The following ADGRE2 variants were observed in gnomAD, a reference collection of about 807,000 sequenced individuals.
ADGRE2 encodes CD97 antigen.
In ADGRE2, 83 loss-of-function variants were observed where a neutral mutation model predicts 100.8. That is an observed-to-expected ratio of 0.82 (90% CI 0.69 to 0.99). ADGRE2 has a LOEUF of 0.99. Among genes scored for constraint, ADGRE2 ranks in the 50% least tolerant of loss-of-function variants. The pLI, the probability that ADGRE2 is intolerant of heterozygous loss-of-function variation, is 0.00. For missense variants in ADGRE2, 814 were observed against 1,035.7 expected, an observed-to-expected ratio of 0.79 and a Z score of 2.94; for synonymous variants, 355 against 413.0, an observed-to-expected ratio of 0.86 and a Z score of 1.70.
In ADGRE2 at chr19:14,772,882, C is replaced by G. The variant is rs1390980626; in HGVS notation, c.200-385G>C. On this transcript the variant is annotated intron_variant, in intron 4 of 20. Coordinates refer to ENST00000315576, the MANE Select transcript of ADGRE2 (RefSeq NM_013447.4). Reference sequence around the variant, plus strand: ...ATCACTTGAGGTCAGGAGTTCGAGACCAGCCTGCCAACAGGGCAAAACCCC... The same window carrying G: ...ATCACTTGAGGTCAGGAGTTCGAGAGCAGCCTGCCAACAGGGCAAAACCCC... Among the ~76,000 whole-genome samples the G allele has an allele frequency of 1.2e-4, 18 of 150,982 alleles. No individual in the cohort carries two copies. The Admixed American group carries it at 1.2e-3, about 10-fold the overall frequency.
chr19:14,730,281 C>CT (rs1286232598), downstream of ADGRE2, among the ~76,000 whole-genome samples: 1 of 152,090 alleles, frequency 6.6e-6, no homozygotes, highest in African/African-American at 2.4e-5. Context: ...TCTTGAACTC[C>CT]TGACCTCAGG....
At chr19:14,777,210 G>T (rs2044476325) in intron 1 of ADGRE2, 2 of 460,104 alleles carry the variant, frequency 4.3e-6, no homozygotes, top group Non-Finnish European at 5.7e-6. Flanking sequence ...GCACGCAGGG[G>T]CCTTGTCAGA....
chr19:14,765,936 G>A (rs576721616), intron 7 of ADGRE2, 132 bp from the exon 8 acceptor site: 21 of 1,425,164 alleles, frequency 1.5e-5, no homozygotes, highest in South Asian at 7.3e-5. Flanking sequence ...TTATGGAAGC[G>A]TGGAGAGGCC....
At chr19:14,726,271 G>A in the ADGRE2 span, among the ~76,000 whole-genome samples, 2 of 152,144 alleles carry the variant, frequency 1.3e-5, no homozygotes, top group African/African-American at 2.4e-5. Flanking sequence ...GAACTGGCCC[G>A]CTAAATCATT....
intron 5 of ADGRE2, among the ~76,000 whole-genome samples, chr19:14,770,980 C>A (rs770513979): frequency 6.6e-6 from 1 of 151,932 alleles, no homozygotes; most frequent in Non-Finnish European, 1.5e-5. Flanking sequence ...GTGCCTGGCC[C>A]GGAGAGTCCT....
rs201584330 is a variant in ADGRE2, at chr19:14,776,832, G to A, written c.-76C>T. On this transcript the variant is annotated 5_prime_UTR_variant, in exon 2 of 21. Transcript: ENST00000315576. Reference sequence around the variant, plus strand: ...CAGGGCTGTCCCGTCTCCGCAGGCTGGGCAGCTGTGCGGGCTGTCCCGAGG... The same window carrying A: ...CAGGGCTGTCCCGTCTCCGCAGGCTAGGCAGCTGTGCGGGCTGTCCCGAGG... 6.3e-4 allele frequency: 1,012 copies of A among 1,598,674 alleles called. 1 individual carries two copies. The highest frequency in any genetic ancestry group is 2.3e-3 in the Admixed American group (133 of 57,864).
At position 14,732,695 on chromosome 19, in the gene ADGRE2, A is replaced by G. The variant is rs542756189; in HGVS notation, c.*3541T>C. On this transcript the variant is annotated 3_prime_UTR_variant, in exon 21 of 21. Transcript: ENST00000315576. ...TTTGTGTCACATGACTGATATATGAAGTTCAAGCTCAGTGTCCATAAAGTT... is the reference window on the plus strand; with the variant it reads ...TTTGTGTCACATGACTGATATATGAGGTTCAAGCTCAGTGTCCATAAAGTT... 14 of 152,374 alleles carry G rather than the reference A, an allele frequency of 9.2e-5. No homozygotes were observed. The highest frequency in any genetic ancestry group is 2.6e-4 in the Admixed American group (4 of 15,302). 9.4% of individuals were successfully genotyped at this position (152,374 alleles called of 1,614,324 possible).
rs2044113689 is a variant in ADGRE2, at chr19:14,769,438, G to A, written c.356-2329C>T. ...GTGGCCCCAGGTCTCCTGCCTATGA[G>A]GCCTGTGACACCAGGTAGACAAAAA... On this transcript the variant is annotated intron_variant, in intron 5 of 20. Coordinates refer to ENST00000315576, the MANE Select transcript of ADGRE2 (RefSeq NM_013447.4). 2.6e-5 allele frequency among the ~76,000 whole-genome samples: 4 copies of A among 152,062 alleles called. No homozygotes were observed. The South Asian group carries it at 6.2e-4, about 24-fold the overall frequency.
chr19:14,748,955 TC>T (rs1952555623), intron 16 of ADGRE2, among the ~76,000 whole-genome samples: 1 of 152,076 alleles, frequency 6.6e-6, no homozygotes. Flanking sequence ...GTGGTAATTA[TC>T]CCAGGAATGT....
In ADGRE2 at chr19:14,775,860, G is replaced by GAAA. The variant is rs3057586; in HGVS notation, c.31+863_31+865dup. Reference sequence around the variant, plus strand: ...GGCGACAGAGCAAGGCTCCGCCTCAGAAAAAAAAAAAAAAAAATGATGGCG... The same window carrying GAAA: ...GGCGACAGAGCAAGGCTCCGCCTCAGAAAAAAAAAAAAAAAAAAAATGATGGCG... On this transcript the variant is annotated intron_variant, in intron 2 of 20. Coordinates refer to ENST00000315576, the MANE Select transcript of ADGRE2 (RefSeq NM_013447.4). 6.9e-4 allele frequency among the ~76,000 whole-genome samples: 74 copies of GAAA among 107,890 alleles called. 5 individuals carry two copies. Among genetic ancestry groups the GAAA allele is most frequent in the African/African-American group, 2.3e-3 (64 of 27,734 alleles). The allele number at this position is 107,890 out of a possible 152,430, so 70.8% of individuals were successfully genotyped here.
In ADGRE2 at chr19:14,773,952, A is replaced by C. The variant is rs746075135; in HGVS notation, c.185T>G (p.Met62Arg). The C allele has an allele frequency of 6.2e-7, 1 of 1,613,828 alleles. No homozygotes were observed. Among genetic ancestry groups the C allele is most frequent in the South Asian group, 1.1e-5 (1 of 91,070 alleles). ...SSFSEIITTP[M>R]ETCDDINECA... ...AGCCTCTGTACCGTCACAAGTCTCC[A>C]TGGGGGTGGTGATGATCTCAGAAAA... The change falls in exon 4 of 21, where the codon ATG becomes AGG. Residue 62 changes from methionine (M) to arginine (R), a missense_variant. Around this residue, in one of 5 missense-constraint regions of ADGRE2, gnomAD observed 143 missense variants for 160.3 expected, o/e 0.89. Coordinates refer to ENST00000315576, the MANE Select transcript of ADGRE2 (RefSeq NM_013447.4).
intron 16 of ADGRE2, among the ~76,000 whole-genome samples, chr19:14,749,520 T>C: frequency 7.4e-6 from 1 of 134,268 alleles, no homozygotes; most frequent in African/African-American, 2.9e-5. Flanking sequence ...TATAGTTATG[T>C]AATATAATTA....
intron 5 of ADGRE2, among the ~76,000 whole-genome samples, chr19:14,771,182 C>T (rs1272742268): frequency 6.6e-6 from 1 of 152,138 alleles, no homozygotes. Flanking sequence ...GCAGGGAGAA[C>T]AGGAGGGACA....
intron 17 of ADGRE2, 50 bp from the exon 18 acceptor site, chr19:14,746,373 C>CACT: frequency 3.2e-6 from 3 of 940,986 alleles, no homozygotes; most frequent in African/African-American, 2.5e-5. Flanking sequence ...AACCTGTTAT[C>CACT]TCTTTTTTTT....
At position 14,765,563 on chromosome 19, in the gene ADGRE2, A is replaced by G; in HGVS notation, c.789T>C (p.Thr263=). The stretch of plus-strand genomic sequence containing the variant: ...CAGGGGGCGGGGTCCAGGTGGAGAA[A>G]GTCATATCTGTAGGGAACAAGACAA... ...NQKDTVCEDM[T]FSTWTPPPGV... is the part of the protein sequence containing the mutation. Residue 263 remains threonine, a synonymous_variant, in exon 9 of 21, where the codon ACT becomes ACC. Transcript: ENST00000315576. 2 of 1,614,300 alleles carry G rather than the reference A, an allele frequency of 1.2e-6. No individual in the cohort carries two copies. The highest frequency in any genetic ancestry group is 1.7e-6 in the Non-Finnish European group (2 of 1,180,056).
intron 5 of ADGRE2, among the ~76,000 whole-genome samples, chr19:14,768,584 G>A (rs2044077536): frequency 6.6e-6 from 1 of 152,208 alleles, no homozygotes; most frequent in South Asian, 2.1e-4. Flanking sequence ...GAGAGGATCA[G>A]GCTTGGAGCA....
chr19:14,746,219 T>G lies in ADGRE2; in HGVS notation c.2183+13A>C. The G allele has an allele frequency of 3.3e-6, 5 of 1,508,362 alleles. No homozygotes were observed. Among genetic ancestry groups the G allele is most frequent in the Non-Finnish European group, 3.7e-6 (4 of 1,086,612 alleles). 93.4% of individuals were successfully genotyped at this position (1,508,362 alleles called of 1,614,324 possible). On this transcript the variant is annotated intron_variant, in intron 18 of 20. Coordinates refer to ENST00000315576, the MANE Select transcript of ADGRE2 (RefSeq NM_013447.4). ...ACATGTCTGTGTGGTTATCACCCCC[T>G]TCTCCATCTTACCTTGTGTTCCGGA...
intron 16 of ADGRE2, among the ~76,000 whole-genome samples, chr19:14,749,276 T>A (rs1010436653): frequency 2.8e-5 from 4 of 144,690 alleles, no homozygotes; most frequent in African/African-American, 2.5e-5. Flanking sequence ...AGGAAGCATA[T>A]AATTATGCTT....
At chr19:14,754,879 TAAAAGGC>T in intron 14 of ADGRE2, 68 bp downstream of exon 14, 4 of 1,534,484 alleles carry the variant, frequency 2.6e-6, no homozygotes, top group Admixed American at 1.8e-5. Context: ...TATATTTTTT[TAAAAGGC>T]TGCTACGTCT....
Sources: allele counts gnomAD v4.1 joint callset (sites outside exome capture counted in the v4.1 genomes callset), GRCh38; gene constraint gnomAD v4.1.1; regional missense constraint gnomAD v4.1.1; transcripts MANE v1.5; gene names NCBI Gene and HGNC (gene_info 2026-07-23, HGNC 2026-07-21).